Variants in MYCBP2 observed in about 807,000 individuals in gnomAD.
The protein encoded by MYCBP2 is E3 ubiquitin-protein ligase MYCBP2.
A neutral mutation model predicts 525.3 loss-of-function variants in MYCBP2; 120 were observed. The observed-to-expected ratio is 0.23, with a 90% CI of 0.20 to 0.27. The LOEUF is 0.27. Among genes scored for constraint, MYCBP2 ranks in the 10% least tolerant of loss-of-function variants. The pLI is 1.00. For synonymous variants in MYCBP2, 1,894 were observed against 1,955.8 expected (o/e 0.97, Z 0.83); for missense variants, 4,149 against 5,657.1 (o/e 0.73, Z 8.55).
At chr13:77,119,558 A>G (rs564907566) in intron 55 of MYCBP2, among the ~76,000 whole-genome samples, 8 of 152,288 alleles carry the variant, frequency 5.3e-5, no homozygotes, top group African/African-American at 1.9e-4. Flanking sequence ...AAAAACTTAC[A>G]AAAAACAGCT....
rs950561337 is a variant in MYCBP2 at position 77,327,039 on chromosome 13, G to A, written c.-264C>T. 1.8e-5 allele frequency: 8 copies of A among 437,732 alleles called. No homozygotes were observed. The highest frequency in any genetic ancestry group is 4.4e-5 in the Admixed American group (1 of 22,848). 27.1% of individuals were successfully genotyped at this position (437,732 alleles called of 1,614,324 possible). ...AGGAGGAGGCGGTGCCGCCACTGCC[G>A]CCGCCACCACCGCTACCACCGCCAC... On this transcript the variant is annotated 5_prime_UTR_variant, in exon 1 of 83. Coordinates refer to ENST00000544440, the MANE Select transcript of MYCBP2 (RefSeq NM_015057.5).
chr13:77,058,335 C>T lies in MYCBP2; in HGVS notation c.13212G>A (p.Glu4404=), dbSNP rs2285386. The T allele has an allele frequency of 0.099, 160,460 of 1,613,864 alleles. 8,341 individuals carry two copies. Among genetic ancestry groups the T allele is most frequent in the Admixed American group, 0.17 (10,158 of 59,998 alleles). The change falls in exon 78 of 83, where the codon GAG becomes GAA. Residue 4404 remains glutamate, a synonymous_variant. Coordinates refer to ENST00000544440, the MANE Select transcript of MYCBP2 (RefSeq NM_015057.5). This position sits in a 1 kb window ranked among gnomAD's most constrained non-coding sequence, Gnocchi z 4.1. ...AGCCGTGTAGACAGGGCAGACAGTG[C>T]TCTTCGTTTTTAACACCCCCGCATG... ...GHPCGGVKNE[E]HCLPCLHGCD...
At chr13:77,244,746 A>C (rs2069557858) in intron 15 of MYCBP2, among the ~76,000 whole-genome samples, 1 of 152,226 alleles carries the variant, frequency 6.6e-6, no homozygotes, top group South Asian at 2.1e-4. Flanking sequence ...GAATGGGAGA[A>C]AATTTTTGCA....
intron 39 of MYCBP2, among the ~76,000 whole-genome samples, chr13:77,169,179 C>T (rs9530624): frequency 0.16 from 24,962 of 152,078 alleles, 2,370 homozygotes; most frequent in South Asian, 0.4. Context: ...GAGGGCGAGG[C>T]GGGCGGATCA....
In MYCBP2 at chr13:77,180,116, T is replaced by C; in HGVS notation, c.5133+11A>G. On this transcript the variant is annotated intron_variant, in intron 34 of 82. Coordinates refer to ENST00000544440, the MANE Select transcript of MYCBP2 (RefSeq NM_015057.5). ...GTGCTTTTTATCCAGTGTCAAAATATAATGTATTACCTCAGATCCCAGGGC... is the reference window on the plus strand; with the variant it reads ...GTGCTTTTTATCCAGTGTCAAAATACAATGTATTACCTCAGATCCCAGGGC... The C allele has an allele frequency of 6.3e-7, 1 of 1,594,866 alleles. No homozygotes were observed.
At chr13:77,126,169 A>T in intron 53 of MYCBP2, 149 bp downstream of exon 53, 1 of 611,080 alleles carries the variant, frequency 1.6e-6, no homozygotes, top group Non-Finnish European at 2.8e-6. Context: ...GAAGCACAGA[A>T]AAATTATGTA....
chr13:77,124,669 T>C (rs9574000), intron 54 of MYCBP2, among the ~76,000 whole-genome samples: 9,398 of 152,208 alleles, frequency 0.062, 494 homozygotes, highest in East Asian at 0.17. Context: ...TATGACACTA[T>C]TGTTCTAGTG....
At chr13:77,050,880 T>C (rs1161578507) in intron 82 of MYCBP2, 117 bp downstream of exon 82, 6 of 874,540 alleles carry the variant, frequency 6.9e-6, no homozygotes, top group Non-Finnish European at 1.1e-5. Flanking sequence ...TTCCTCCTGC[T>C]TCTTTAGGCT....
intron 26 of MYCBP2, among the ~76,000 whole-genome samples, chr13:77,203,987 C>T (rs2062967590): frequency 6.6e-6 from 1 of 151,956 alleles, no homozygotes; most frequent in Non-Finnish European, 1.5e-5. Flanking sequence ...TAGGCATGGG[C>T]AAGGACTTCT....
At chr13:77,268,322 G>A (rs183129838) in intron 7 of MYCBP2, among the ~76,000 whole-genome samples, 1 of 151,980 alleles carries the variant, frequency 6.6e-6, no homozygotes, top group Admixed American at 6.5e-5. Flanking sequence ...AGTGGTTTCA[G>A]AAGGTGTGGT....
intron 2 of MYCBP2, among the ~76,000 whole-genome samples, chr13:77,294,726 T>C (rs2077989104): frequency 6.6e-6 from 1 of 152,196 alleles, no homozygotes; most frequent in Non-Finnish European, 1.5e-5. Flanking sequence ...TTCTGTATAT[T>C]GACAATGCGC....
chr13:77,212,891 T>C (rs1378490773), intron 21 of MYCBP2, among the ~76,000 whole-genome samples: 1 of 152,140 alleles, frequency 6.6e-6, no homozygotes, highest in African/African-American at 2.4e-5. Flanking sequence ...CAATAGATAT[T>C]CTTCCACCCC....
chr13:77,073,803 T>G (rs2154091483), intron 68 of MYCBP2, among the ~76,000 whole-genome samples: 1 of 152,220 alleles, frequency 6.6e-6, no homozygotes, highest in South Asian at 2.1e-4. Context: ...TGTTAAATGT[T>G]TAGGAATAAA....
chr13:77,059,917 G>A (rs982135557), intron 76 of MYCBP2, among the ~76,000 whole-genome samples: 1 of 152,024 alleles, frequency 6.6e-6, no homozygotes, highest in African/African-American at 2.4e-5. Flanking sequence ...CTGAGCAGCT[G>A]TTACAAGCCC....
chr13:77,205,708 T>C, intron 24 of MYCBP2, 110 bp from the exon 25 acceptor site: 1 of 881,646 alleles, frequency 1.1e-6, no homozygotes, highest in Non-Finnish European at 1.6e-6. Context: ...CTCAGAATGT[T>C]ACTCCAAGCT....
intron 1 of MYCBP2, among the ~76,000 whole-genome samples, chr13:77,307,625 CAA>C (rs763388200): frequency 1.7e-4 from 5 of 30,114 alleles, no homozygotes; most frequent in African/African-American, 5.2e-4. Context: ...GACCCTGTCT[CAA>C]AAAAAAAAAA....
intron 47 of MYCBP2, among the ~76,000 whole-genome samples, chr13:77,146,620 A>C (rs1233176898): frequency 6.6e-6 from 1 of 152,174 alleles, no homozygotes; most frequent in Non-Finnish European, 1.5e-5. Context: ...ACAACAACAA[A>C]AAAAGACAGT....
In MYCBP2 at chr13:77,322,182, T is replaced by C. The variant is rs570582264; in HGVS notation, c.302+4292A>G. 4.6e-5 allele frequency among the ~76,000 whole-genome samples: 7 copies of C among 152,288 alleles called. No individual in the cohort carries two copies. In the South Asian group the frequency reaches 1.4e-3, roughly 32 times the overall value. ...AATAATCCCTGAACTTTTGCTAAAA[T>C]GACTACTTAACCTCTTACAACCAAA... On this transcript the variant is annotated intron_variant, in intron 1 of 82. Coordinates refer to ENST00000544440, the MANE Select transcript of MYCBP2 (RefSeq NM_015057.5).
chr13:77,187,543 G>A (rs1749475796), intron 30 of MYCBP2, among the ~76,000 whole-genome samples: 1 of 152,170 alleles, frequency 6.6e-6, no homozygotes, highest in Non-Finnish European at 1.5e-5. Flanking sequence ...GTGGTTCTTT[G>A]ATAGATATCA....
Sources: gnomAD v4.1 joint callset for allele counts (sites outside exome capture counted in the v4.1 genomes callset) on GRCh38, gnomAD v4.1.1 for gene constraint, Gnocchi (gnomAD v3.1) non-coding constraint, MANE v1.5 for transcripts, NCBI Gene and HGNC (gene_info 2026-07-23, HGNC 2026-07-21) for gene names.